RBFOX1: variants seen among roughly 807,000 people sequenced by gnomAD.
RBFOX1 encodes RNA binding protein fox-1 homolog 1.
RBFOX1 carries 8 observed loss-of-function variants against 57.7 expected under a neutral mutation model. The ratio of observed to expected loss-of-function variants is 0.14; its 90% CI spans 0.08 to 0.25. RBFOX1 has a LOEUF of 0.25. Ranked by LOEUF, RBFOX1 falls within the 10% of genes least tolerant of loss-of-function variation. The probability of loss-of-function intolerance (pLI) is 1.00; values close to 1 mark genes in which losing one functional copy is unlikely to be tolerated. For missense variants in RBFOX1, 611 were observed against 548.5 expected (o/e 1.11, Z -1.14); for synonymous variants, 326 against 222.4 (o/e 1.47, Z -4.15).
intron 3 of RBFOX1, among the ~76,000 whole-genome samples, chr16:6,688,312 G>A (rs1482177781): frequency 6.6e-6 from 1 of 152,096 alleles, no homozygotes; most frequent in Admixed American, 6.5e-5. Flanking sequence ...CAGCACTAGG[G>A]AGATGGTGCT....
At chr16:7,418,334 T>A (rs1299609346) in intron 4 of RBFOX1, among the ~76,000 whole-genome samples, 2 of 152,206 alleles carry the variant, frequency 1.3e-5, no homozygotes, top group Non-Finnish European at 2.9e-5. Flanking sequence ...TGCCCAATTT[T>A]CACAGGGCAA....
At position 6,962,414 on chromosome 16, in the gene RBFOX1, C is replaced by T. The variant is rs77942144; in HGVS notation, c.-15-89643C>T. 8.0e-3 allele frequency among the ~76,000 whole-genome samples: 1,222 copies of T among 152,264 alleles called. 14 individuals carry two copies. Among genetic ancestry groups the T allele is most frequent in the African/African-American group, 0.028 (1,169 of 41,560 alleles). On this transcript the variant is annotated intron_variant, in intron 3 of 15. Coordinates refer to ENST00000550418, the MANE Select transcript of RBFOX1 (RefSeq NM_018723.4). ...CTTTTTAGGAGATAAATTCAACCTG[C>T]TACAACCTGTGCAACTTTTTCTGTT...
rs114970838 is a variant in RBFOX1 at position 5,865,727 on chromosome 16, G to A, written c.319-1576G>A. Among the ~76,000 whole-genome samples the A allele has an allele frequency of 3.7e-3, 559 of 152,290 alleles. 1 individual carries two copies. The highest frequency in any genetic ancestry group is 0.013 in the African/African-American group (538 of 41,560). On this transcript the variant is annotated intron_variant, in intron 3 of 19. Coordinates refer to the RBFOX1 transcript ENST00000641259. ...CTGTGTCTTAGCCTGGGCTGCCATA[G>A]TAAAACACCATGGACTGCAGCTTAA... is the stretch of plus-strand genomic sequence containing the variant.
intron 2 of RBFOX1, among the ~76,000 whole-genome samples, chr16:5,571,175 T>C (rs1028754417): frequency 6.6e-6 from 1 of 150,846 alleles, no homozygotes; most frequent in African/African-American, 2.4e-5. Flanking sequence ...GTAACTCTCT[T>C]ACTCCCTTGT....
chr16:5,351,961 G>A lies in RBFOX1; in HGVS notation c.219+111856G>A, dbSNP rs1047685267. Among the ~76,000 whole-genome samples the A allele has an allele frequency of 1.1e-4, 16 of 152,074 alleles. 1 individual carries two copies. Among genetic ancestry groups the A allele is most frequent in the Admixed American group, 7.2e-4 (11 of 15,270 alleles). ...TGGGATTACAGGCGCCCGCCACCAC[G>A]CTCGGCTAATTTTTTTGTATTTTTA... On this transcript the variant is annotated intron_variant, in intron 1 of 2. Coordinates refer to the RBFOX1 transcript ENST00000585867.
intron 3 of RBFOX1, among the ~76,000 whole-genome samples, chr16:6,887,207 A>G (rs1006139380): frequency 6.6e-6 from 1 of 152,102 alleles, no homozygotes; most frequent in African/African-American, 2.4e-5. Context: ...TCTATCTCTA[A>G]TTCTAGTACT....
At chr16:5,446,479 C>T (rs569958640) in intron 1 of RBFOX1, among the ~76,000 whole-genome samples, 1 of 152,058 alleles carries the variant, frequency 6.6e-6, no homozygotes, top group African/African-American at 2.4e-5. Flanking sequence ...GTTGATTAAA[C>T]CTGGTTGTCT....
At chr16:5,820,827 G>C (rs1418018595) in intron 3 of RBFOX1, among the ~76,000 whole-genome samples, 2 of 152,128 alleles carry the variant, frequency 1.3e-5, no homozygotes, top group Non-Finnish European at 2.9e-5. Context: ...CCCTCTCTTT[G>C]ACAGCAATTT....
chr16:6,458,047 T>C (rs758275059), intron 2 of RBFOX1, among the ~76,000 whole-genome samples: 18 of 152,130 alleles, frequency 1.2e-4, no homozygotes, highest in Non-Finnish European at 2.6e-4. Context: ...AATTTCTTTG[T>C]AGCATGTTTT....
chr16:5,831,078 C>A (rs570324612), intron 3 of RBFOX1, among the ~76,000 whole-genome samples: 2 of 152,294 alleles, frequency 1.3e-5, no homozygotes, highest in South Asian at 4.1e-4. Context: ...GGGATACGAG[C>A]ATCTTTAACA....
intron 4 of RBFOX1, among the ~76,000 whole-genome samples, chr16:7,259,951 C>G (rs1019206488): frequency 3.9e-5 from 6 of 152,272 alleles, no homozygotes; most frequent in African/African-American, 1.4e-4. Context: ...TATCCCTCCC[C>G]TCCCTGATTT....
intron 4 of RBFOX1, among the ~76,000 whole-genome samples, chr16:7,135,780 T>C (rs2071762366): frequency 6.6e-6 from 1 of 152,258 alleles, no homozygotes; most frequent in South Asian, 2.1e-4. Flanking sequence ...TAACCACATG[T>C]AATTATTCTG....
chr16:6,940,890 TTA>T (rs2078319813), intron 3 of RBFOX1, among the ~76,000 whole-genome samples: 1 of 150,072 alleles, frequency 6.7e-6, no homozygotes, highest in Non-Finnish European at 1.5e-5. Context: ...TGTGTGTGTG[TTA>T]GAGATGGGGT....
In RBFOX1 at chr16:6,078,644, G is replaced by A. The variant is rs187768038; in HGVS notation, c.-127+58652G>A. ...TGCTGCATTTTTACCTCTCTCATAA[G>A]ATTGCTGTGAGGAGGCTGAGACAAG... is the stretch of plus-strand genomic sequence containing the variant. On this transcript the variant is annotated intron_variant, in intron 1 of 15. Transcript: ENST00000550418. 1.8e-3 allele frequency among the ~76,000 whole-genome samples: 265 copies of A among 150,588 alleles called. 1 individual carries two copies. Among genetic ancestry groups the A allele is most frequent in the Middle Eastern group, 6.8e-3 (2 of 292 alleles).
At chr16:6,649,062 C>G (rs1248950191) in intron 2 of RBFOX1, among the ~76,000 whole-genome samples, 2 of 152,172 alleles carry the variant, frequency 1.3e-5, no homozygotes, top group Non-Finnish European at 2.9e-5. Context: ...TTCCTCCTGT[C>G]TCACTGAAAT....
chr16:5,408,413 G>C (rs1189106954), intron 1 of RBFOX1, among the ~76,000 whole-genome samples: 1 of 152,188 alleles, frequency 6.6e-6, no homozygotes, highest in Non-Finnish European at 1.5e-5. Context: ...GGGTGCCGCG[G>C]TATGAATAGA....
In RBFOX1 at chr16:6,370,893, T is replaced by C. The variant is rs148485673; in HGVS notation, c.-64+53836T>C. On this transcript the variant is annotated intron_variant, in intron 2 of 15. Coordinates refer to ENST00000550418, the MANE Select transcript of RBFOX1 (RefSeq NM_018723.4). ...AGAGAGTGGGTCCTCAATATGTAAATATAATGTCAATTAAAATAACAAGAA... is the reference window on the plus strand; with the variant it reads ...AGAGAGTGGGTCCTCAATATGTAAACATAATGTCAATTAAAATAACAAGAA... Among the ~76,000 whole-genome samples, 449 of 152,352 alleles carry C rather than the reference T, an allele frequency of 2.9e-3. 3 individuals carry two copies. The highest frequency in any genetic ancestry group is 4.8e-3 in the Admixed American group (74 of 15,300).
chr16:6,140,384 C>A (rs112445500), intron 1 of RBFOX1, among the ~76,000 whole-genome samples: 2,647 of 151,934 alleles, frequency 0.017, 83 homozygotes, highest in African/African-American at 0.059. Flanking sequence ...TTTGTAGACA[C>A]GAGGTCTTGC....
chr16:7,029,154 A>G (rs1380880155), intron 3 of RBFOX1, among the ~76,000 whole-genome samples: 3 of 81,294 alleles, frequency 3.7e-5, no homozygotes, highest in African/African-American at 1.1e-4. Context: ...ATATATGTAT[A>G]TATATACACA....
Sources: allele counts gnomAD v4.1 joint callset (sites outside exome capture counted in the v4.1 genomes callset), GRCh38; gene constraint gnomAD v4.1.1; transcripts MANE v1.5; gene names NCBI Gene and HGNC (gene_info 2026-07-23, HGNC 2026-07-21).